NPM2: variants seen among roughly 807,000 people sequenced by gnomAD.
NPM2 encodes the protein nucleoplasmin-2.
A neutral mutation model predicts 32.0 loss-of-function variants in NPM2; 25 were observed. The ratio of observed to expected loss-of-function variants is 0.78; its 90% CI spans 0.57 to 1.09. NPM2 has a LOEUF of 1.09. Among genes scored for constraint, NPM2 ranks in the 50% least tolerant of loss-of-function variants. The pLI is 0.00. For missense variants in NPM2, 282 were observed against 259.9 expected (o/e 1.08, Z -0.58); for synonymous variants, 111 against 94.2 (o/e 1.18, Z -1.04).
intron 5 of NPM2, among the ~76,000 whole-genome samples, chr8:22,030,995 T>C (rs1436007278): frequency 6.6e-6 from 1 of 152,246 alleles, no homozygotes; most frequent in African/African-American, 2.4e-5. Flanking sequence ...ATTTTGTTTT[T>C]TTCCAAAAGA....
chr8:22,028,607 G>A (rs376083681), intron 5 of NPM2, among the ~76,000 whole-genome samples: 3 of 151,704 alleles, frequency 2.0e-5, no homozygotes, highest in African/African-American at 7.3e-5. Flanking sequence ...TGAGATTATA[G>A]GCGTGAGCCA....
chr8:22,025,678 T>G lies in NPM2; in HGVS notation c.176T>G (p.Met59Arg). The G allele has an allele frequency of 3.7e-6, 6 of 1,614,128 alleles. No homozygotes were observed. Among genetic ancestry groups the G allele is most frequent in the Non-Finnish European group, 5.1e-6 (6 of 1,180,014 alleles). ...TTGGGGGAGAAAGCCAAAGAGGAGA[T>G]GCATCGCGTGGAGATCCTGCCCCCA... ...ICLGEKAKEE[M>R]HRVEILPPAN... is the part of the protein sequence containing the mutation. The change falls in exon 5 of 10, where the codon ATG becomes AGG. Residue 59 changes from methionine (M) to arginine (R), a missense_variant. Physicochemically the swap from Met to Arg is moderately conservative, Grantham distance 91. Coordinates refer to ENST00000518119, the MANE Select transcript of NPM2 (RefSeq NM_001286680.2).
Position 22,025,438 on chromosome 8 carries a change from T to C in NPM2, c.61T>C (p.Cys21Arg). Residue 21 changes from cysteine to arginine, a missense_variant and splice_region_variant, in exon 4 of 10, where the codon TGC (cysteine) becomes CGC (arginine). Physicochemically the swap from Cys to Arg is radical, Grantham distance 180 (BLOSUM62 -3). Transcript: ENST00000518119. ...EKAVTTVLWG[C>R]ELSQERRTWT... ...TTCCCTCCCTTTCTCCTCCGCAGGC[T>C]GCGAGCTCAGTCAGGAGAGGCGGAC... 1 of 1,613,976 alleles carries C rather than the reference T, an allele frequency of 6.2e-7. No individual in the cohort carries two copies. The highest frequency in any genetic ancestry group is 8.5e-7 in the Non-Finnish European group (1 of 1,179,958).
Position 22,025,760 on chromosome 8 carries a change from A to G in NPM2, c.258A>G (p.Ser86=). The G allele has an allele frequency of 6.2e-7, 1 of 1,614,078 alleles. No homozygotes were observed. The highest frequency in any genetic ancestry group is 1.1e-5 in the South Asian group (1 of 91,082). ...TCACCATTGCCTCACTCCAGGCCTC[A>G]GTCCTCCCCATGGTGCGCATTTCCC... ...QPVTIASLQA[S]VLPMVSMVGV... Residue 86 remains serine (S), a synonymous_variant, in exon 5 of 10, where the codon TCA becomes TCG. Transcript: ENST00000518119.
intron 6 of NPM2, among the ~76,000 whole-genome samples, chr8:22,033,753 C>T (rs1318443780): frequency 6.6e-6 from 1 of 152,186 alleles, no homozygotes; most frequent in African/African-American, 2.4e-5. Flanking sequence ...GTTTTAGATT[C>T]TTTCCCCCTC....
chr8:22,035,784 T>C (rs1800598101), intron 8 of NPM2, among the ~76,000 whole-genome samples: 1 of 151,850 alleles, frequency 6.6e-6, no homozygotes, highest in South Asian at 2.1e-4. Context: ...AATACAAAAT[T>C]CAGCTGGGCG....
At chr8:22,028,496 T>TG (rs1800331113) in intron 5 of NPM2, among the ~76,000 whole-genome samples, 1 of 150,136 alleles carries the variant, frequency 6.7e-6, no homozygotes, top group Non-Finnish European at 1.5e-5. Context: ...TTTTTTTTTT[T>TG]TTTTGTAATT....
chr8:22,025,844 A>C, intron 5 of NPM2, 72 bp downstream of exon 5: 1 of 1,597,388 alleles, frequency 6.3e-7, no homozygotes, highest in Non-Finnish European at 8.5e-7. Context: ...ATGGACACAC[A>C]CGAGGGTGCA....
At chr8:22,032,964 A>G (rs1800488076) in intron 5 of NPM2, 166 bp from the exon 6 acceptor site, 1 of 605,112 alleles carries the variant, frequency 1.7e-6, no homozygotes, top group Admixed American at 2.7e-5. Flanking sequence ...GCTTAGCAAG[A>G]ATGGGATTAC....
In NPM2 at chr8:22,034,519, C is replaced by T. The variant is rs1219381357; in HGVS notation, c.541C>T (p.Leu181=). The T allele has an allele frequency of 1.2e-6, 2 of 1,611,632 alleles. No individual in the cohort carries two copies. The highest frequency in any genetic ancestry group is 2.7e-5 in the African/African-American group (2 of 74,744). ...GTTTTTTGGTTCCCAGAAAAAAAAGCTGGAAAAAGAAGAAGAGGAAATAAG... is the reference window on the plus strand; with the variant it reads ...GTTTTTTGGTTCCCAGAAAAAAAAGTTGGAAAAAGAAGAAGAGGAAATAAG... ...KQASVAKKKK[L]EKEEEEIRAS... Residue 181 remains leucine, a synonymous_variant, in exon 8 of 10, where the codon CTG becomes TTG. Coordinates refer to ENST00000518119, the MANE Select transcript of NPM2 (RefSeq NM_001286680.2).
intron 5 of NPM2, among the ~76,000 whole-genome samples, chr8:22,031,507 G>A (rs923866138): frequency 2.0e-5 from 3 of 152,154 alleles, no homozygotes; most frequent in African/African-American, 7.2e-5. Context: ...ACGCAGTGGC[G>A]CAATCTCGGC....
At chr8:22,035,312 C>A (rs1170390581) in intron 8 of NPM2, among the ~76,000 whole-genome samples, 2 of 152,276 alleles carry the variant, frequency 1.3e-5, no homozygotes, top group East Asian at 3.9e-4. Context: ...TTTGCTCTGC[C>A]ACCCAGGCTG....
In NPM2 at chr8:22,034,537, G is replaced by A. The variant is rs750532537; in HGVS notation, c.559G>A (p.Glu187Lys). 1 of 1,611,000 alleles carries A rather than the reference G, an allele frequency of 6.2e-7. No individual in the cohort carries two copies. Among genetic ancestry groups the A allele is most frequent in the South Asian group, 1.1e-5 (1 of 90,926 alleles). Reference sequence around the variant, plus strand: ...AAAAAAGCTGGAAAAAGAAGAAGAGGAAATAAGGTAACTCTTTCTACCTAT... The same window carrying A: ...AAAAAAGCTGGAAAAAGAAGAAGAGAAAATAAGGTAACTCTTTCTACCTAT... ...KKKKLEKEEE[E>K]IRASVRDKSP... The change falls in exon 8 of 10, where the codon GAA (glutamate) becomes AAA (lysine). Residue 187 changes from glutamate to lysine, a missense_variant. Transcript: ENST00000518119.
At chr8:22,033,077 C>T (rs902724240) in intron 5 of NPM2, 53 bp from the exon 6 acceptor site, 22 of 1,362,616 alleles carry the variant, frequency 1.6e-5, no homozygotes, top group East Asian at 2.3e-5. Flanking sequence ...GGCTAGTCCC[C>T]GAGAGGTGCC....
At position 22,036,664 on chromosome 8, in the gene NPM2, G is replaced by A. The variant is rs1800635268; in HGVS notation, c.627G>A (p.Lys209=). 6.5e-7 allele frequency: 1 copy of A among 1,548,750 alleles called. No homozygotes were observed. Among genetic ancestry groups the A allele is most frequent in the African/African-American group, 1.4e-5 (1 of 72,722 alleles). Reference sequence around the variant, plus strand: ...CCAAAGCCACAGCCAGAGCCAAGAAGCCAGGATTCAAGAAATGAGGAGCCA... The same window carrying A: ...CCAAAGCCACAGCCAGAGCCAAGAAACCAGGATTCAAGAAATGAGGAGCCA... The part of the protein sequence containing the change: ...KKAKATARAK[K]PGFKK The change falls in exon 10 of 10, where the codon AAG becomes AAA. Residue 209 remains lysine, a synonymous_variant. Coordinates refer to ENST00000518119, the MANE Select transcript of NPM2 (RefSeq NM_001286680.2).
Position 22,029,186 on chromosome 8 carries a change from G to T in NPM2, c.270+3414G>T, listed in dbSNP as rs141099339. On this transcript the variant is annotated intron_variant, in intron 5 of 9. Transcript: ENST00000518119. ...AATGGAGTCTCACTTTGTTTCCCAG[G>T]CTAGAGTGCAGTGGTGCAATCTTGA... 9.4e-4 allele frequency among the ~76,000 whole-genome samples: 143 copies of T among 151,908 alleles called. 3 individuals are homozygous for T. In the East Asian group the frequency reaches 0.023, roughly 25 times the overall value.
At chr8:22,033,002 C>T (rs1800489037) in intron 5 of NPM2, 128 bp from the exon 6 acceptor site, 4 of 692,120 alleles carry the variant, frequency 5.8e-6, no homozygotes, top group East Asian at 2.7e-5. Context: ...ACAGAATCCA[C>T]CTCAGCAGGG....
chr8:22,031,654 C>G (rs1427676431), intron 5 of NPM2, among the ~76,000 whole-genome samples: 3 of 152,158 alleles, frequency 2.0e-5, no homozygotes, highest in African/African-American at 7.2e-5. Flanking sequence ...CCATGTTGCC[C>G]AGGCTGGTCT....
intron 5 of NPM2, among the ~76,000 whole-genome samples, chr8:22,031,153 G>T (rs1404313359): frequency 6.6e-6 from 1 of 152,204 alleles, no homozygotes; most frequent in African/African-American, 2.4e-5. Flanking sequence ...GACCCCATAA[G>T]TGAGAGGTAC....
Sources: gnomAD v4.1 joint callset for allele counts (sites outside exome capture counted in the v4.1 genomes callset) on GRCh38, gnomAD v4.1.1 for gene constraint, MANE v1.5 for transcripts, NCBI Gene and HGNC (gene_info 2026-07-23, HGNC 2026-07-21) for gene names.